Variants in BRIP1 observed in about 807,000 individuals in gnomAD.
The protein encoded by BRIP1 is Fanconi anemia group J protein.
A neutral mutation model predicts 119.7 loss-of-function variants in BRIP1; 88 were observed. That is an observed-to-expected ratio of 0.74 (90% CI 0.62 to 0.88). BRIP1 has a LOEUF of 0.88. Among genes scored for constraint, BRIP1 ranks in the 40% least tolerant of loss-of-function variants. BRIP1 has a pLI of 0.00. For synonymous variants in BRIP1, 443 were observed against 496.5 expected, an observed-to-expected ratio of 0.89 and a Z score of 1.43; for missense variants, 1,259 against 1,455.4, an observed-to-expected ratio of 0.87 and a Z score of 2.20.
In BRIP1 at chr17:61,729,413, T is replaced by C. The variant is rs993443607; in HGVS notation, c.2380-13350A>G. 1.4e-5 allele frequency among the ~76,000 whole-genome samples: 2 copies of C among 147,030 alleles called. No homozygotes were observed. The highest frequency in any genetic ancestry group is 3.0e-5 in the Non-Finnish European group (2 of 66,822). On this transcript the variant is annotated intron_variant, in intron 16 of 19. Coordinates refer to ENST00000259008, the MANE Select transcript of BRIP1 (RefSeq NM_032043.3). This position sits in a 1 kb window ranked among gnomAD's most constrained non-coding sequence, Gnocchi z 5.6. ...TTAATTAAAAATTGTAATGTAACTA[T>C]CTTGGGAGGCTATAAGAAGGAAAAA...
Position 61,798,976 on chromosome 17 carries a change from G to T in BRIP1, c.1340+124C>A. 1 of 884,978 alleles carries T rather than the reference G, an allele frequency of 1.1e-6. No homozygotes were observed. Among genetic ancestry groups the T allele is most frequent in the South Asian group, 1.4e-5 (1 of 71,230 alleles). The allele number at this position is 884,978 out of a possible 1,614,324, so 54.8% of individuals were successfully genotyped here. ...CTTGTTTTTAAAGCTTAACTGGCAA[G>T]GAACAATTCATTTCCCAAGAAGCCT... On this transcript the variant is annotated intron_variant, in intron 9 of 19. Coordinates refer to ENST00000259008, the MANE Select transcript of BRIP1 (RefSeq NM_032043.3). This position sits in a 1 kb window ranked among gnomAD's most constrained non-coding sequence, Gnocchi z 5.5.
chr17:61,765,387 A>C (rs2077343097), intron 14 of BRIP1, among the ~76,000 whole-genome samples: 1 of 19,300 alleles, frequency 5.2e-5, no homozygotes, highest in Non-Finnish European at 9.1e-5. Flanking sequence ...TATTATATAT[A>C]TATATATATA....
At position 61,808,163 on chromosome 17, in the gene BRIP1, T is replaced by C. The variant is rs2078101531; in HGVS notation, c.918+304A>G. The stretch of plus-strand genomic sequence containing the variant: ...ATTTAAACACTTCTATCTCCTCATA[T>C]GATATCATCCAAGTTTGACTATTTT... On this transcript the variant is annotated intron_variant, in intron 7 of 19. Transcript: ENST00000259008. This position sits in a 1 kb window ranked among gnomAD's most constrained non-coding sequence, Gnocchi z 4.1. Among the ~76,000 whole-genome samples the C allele has an allele frequency of 6.6e-6, 1 of 152,158 alleles. No homozygotes were observed. Among genetic ancestry groups the C allele is most frequent in the African/African-American group, 2.4e-5 (1 of 41,440 alleles).
intron 10 of BRIP1, among the ~76,000 whole-genome samples, chr17:61,785,830 A>G (rs1182374615): frequency 2.0e-5 from 3 of 152,160 alleles, no homozygotes; most frequent in Non-Finnish European, 4.4e-5. Flanking sequence ...GAGGCGCTGT[A>G]CTAAAAACAG....
intron 14 of BRIP1, among the ~76,000 whole-genome samples, chr17:61,747,743 A>T (rs1481367921): frequency 1.3e-5 from 2 of 151,580 alleles, no homozygotes; most frequent in Admixed American, 6.6e-5. Flanking sequence ...CTAATTAATT[A>T]ATTTATTTTT....
intron 14 of BRIP1, among the ~76,000 whole-genome samples, chr17:61,763,538 A>T (rs1195117757): frequency 5.9e-5 from 9 of 152,144 alleles, no homozygotes; most frequent in Admixed American, 5.9e-4. Context: ...AAGCAAGGTG[A>T]ATCTTATTTC....
chr17:61,768,112 T>C lies in BRIP1; in HGVS notation c.2097+8289A>G, dbSNP rs1454481976. Among the ~76,000 whole-genome samples the C allele has an allele frequency of 1.3e-5, 2 of 152,204 alleles. No individual in the cohort carries two copies. Among genetic ancestry groups the C allele is most frequent in the Non-Finnish European group, 2.9e-5 (2 of 68,018 alleles). On this transcript the variant is annotated intron_variant, in intron 14 of 19. Transcript: ENST00000259008. This position sits in a 1 kb window ranked among gnomAD's most constrained non-coding sequence, Gnocchi z 5.0. ...AACTGAAATCTTCTTGAAGAGACAGTAACTTGTTTATTTTTGAATCTTTAA... is the reference window on the plus strand; with the variant it reads ...AACTGAAATCTTCTTGAAGAGACAGCAACTTGTTTATTTTTGAATCTTTAA...
intron 16 of BRIP1, among the ~76,000 whole-genome samples, chr17:61,731,882 T>C (rs1301684036): frequency 6.7e-6 from 1 of 150,264 alleles, no homozygotes; most frequent in Non-Finnish European, 1.5e-5. Context: ...CCCCTGAGTC[T>C]ATTATAATAC....
At chr17:61,788,685 G>A (rs1216888799) in intron 10 of BRIP1, among the ~76,000 whole-genome samples, 1 of 152,178 alleles carries the variant, frequency 6.6e-6, no homozygotes, top group Non-Finnish European at 1.5e-5. Flanking sequence ...ACTGGGTGTA[G>A]TGGTTCACTC....
chr17:61,789,647 CAGATT>C lies in BRIP1; in HGVS notation c.1473+3945_1473+3949del, dbSNP rs1239465548. Among the ~76,000 whole-genome samples the C allele has an allele frequency of 6.6e-6, 1 of 152,066 alleles. No homozygotes were observed. The highest frequency in any genetic ancestry group is 2.4e-5 in the African/African-American group (1 of 41,418). On this transcript the variant is annotated intron_variant, in intron 10 of 19. Transcript: ENST00000259008. This position sits in a 1 kb window ranked among gnomAD's most constrained non-coding sequence, Gnocchi z 4.8. Reference sequence around the variant, plus strand: ...GGAAATAACCTATATTTCAACTTATCAGATTAATCAATTTAGAATAAGTACACTCA... The same window carrying C: ...GGAAATAACCTATATTTCAACTTATCAATCAATTTAGAATAAGTACACTCA...
chr17:61,715,828 G>C, intron 17 of BRIP1, 123 bp downstream of exon 17: 1 of 604,904 alleles, frequency 1.7e-6, no homozygotes, highest in Admixed American at 3.0e-5. Context: ...ATACATACCA[G>C]TTCCTATGGT....
chr17:61,748,914 G>T lies in BRIP1; in HGVS notation c.2098-4323C>A, dbSNP rs1349339916. Among the ~76,000 whole-genome samples, 1 of 152,204 alleles carries T rather than the reference G, an allele frequency of 6.6e-6. No individual in the cohort carries two copies. Among genetic ancestry groups the T allele is most frequent in the African/African-American group, 2.4e-5 (1 of 41,462 alleles). ...GCACTTTGGGAGGCCAAGGCGGGCA[G>T]ATCACGAGGTCAGGAGATTGAGACC... On this transcript the variant is annotated intron_variant, in intron 14 of 19. Transcript: ENST00000259008. This position sits in a 1 kb window ranked among gnomAD's most constrained non-coding sequence, Gnocchi z 4.7.
rs542553201 is a variant in BRIP1 at position 61,821,327 on chromosome 17, C to A, written c.628-12570G>T. Among the ~76,000 whole-genome samples, 5 of 150,738 alleles carry A rather than the reference C, an allele frequency of 3.3e-5. 1 individual carries two copies. In the South Asian group the frequency reaches 1.1e-3, roughly 32 times the overall value. On this transcript the variant is annotated intron_variant, in intron 6 of 19. Coordinates refer to ENST00000259008, the MANE Select transcript of BRIP1 (RefSeq NM_032043.3). ...GAGGTACTTTCCATTCTTTAACCTGCCATTCAGTAGAAAGGCAGGGTGTTG... is the reference window on the plus strand; with the variant it reads ...GAGGTACTTTCCATTCTTTAACCTGACATTCAGTAGAAAGGCAGGGTGTTG...
rs921923803 is a variant in BRIP1 at position 61,805,791 on chromosome 17, A to C, written c.918+2676T>G. 6.6e-6 allele frequency among the ~76,000 whole-genome samples: 1 copy of C among 152,148 alleles called. No homozygotes were observed. Among genetic ancestry groups the C allele is most frequent in the Non-Finnish European group, 1.5e-5 (1 of 68,034 alleles). ...AGGACATTCACCATTTCTTCATTCC[A>C]AGCTTCTTCCATACAATTCTGAAAG... On this transcript the variant is annotated intron_variant, in intron 7 of 19. Coordinates refer to ENST00000259008, the MANE Select transcript of BRIP1 (RefSeq NM_032043.3). This position sits in a 1 kb window ranked among gnomAD's most constrained non-coding sequence, Gnocchi z 5.6.
Position 61,831,296 on chromosome 17 carries a change from C to G in BRIP1, c.627+15805G>C, listed in dbSNP as rs923403280. 1.3e-5 allele frequency among the ~76,000 whole-genome samples: 2 copies of G among 152,180 alleles called. No homozygotes were observed. Among genetic ancestry groups the G allele is most frequent in the African/African-American group, 2.4e-5 (1 of 41,452 alleles). ...AAACACTGTAAAGGAAGAAGTAAAA[C>G]AGTATTTACTAGAGAATGAAACATG... On this transcript the variant is annotated intron_variant, in intron 6 of 19. Transcript: ENST00000259008. This position sits in a 1 kb window ranked among gnomAD's most constrained non-coding sequence, Gnocchi z 4.1.
chr17:61,746,145 G>C lies in BRIP1; in HGVS notation c.2098-1554C>G, dbSNP rs942509642. Among the ~76,000 whole-genome samples the C allele has an allele frequency of 6.6e-6, 1 of 151,974 alleles. No homozygotes were observed. The highest frequency in any genetic ancestry group is 6.6e-5 in the Admixed American group (1 of 15,250). On this transcript the variant is annotated intron_variant, in intron 14 of 19. Transcript: ENST00000259008. This position sits in a 1 kb window ranked among gnomAD's most constrained non-coding sequence, Gnocchi z 4.9. ...TTTTTAGAAATAAACTTCTTAATAAGACTATAAAACAAAACATTAGTAAAA... is the reference window on the plus strand; with the variant it reads ...TTTTTAGAAATAAACTTCTTAATAACACTATAAAACAAAACATTAGTAAAA...
rs919570002 is a variant in BRIP1, at chr17:61,794,112, C to CA, written c.1341-384dup. ...GAAATTAAAGTGTTACATATTAACA[C>CA]AAAAAAGAGAATTACTAGAAAATAT... On this transcript the variant is annotated intron_variant, in intron 9 of 19. Transcript: ENST00000259008. The surrounding 1 kb of genome is among the most constrained non-coding windows in gnomAD (Gnocchi z 4.3). Among the ~76,000 whole-genome samples, 2 of 151,734 alleles carry CA rather than the reference C, an allele frequency of 1.3e-5. No homozygotes were observed. The highest frequency in any genetic ancestry group is 6.6e-5 in the Admixed American group (1 of 15,216).
chr17:61,801,388 C>T lies in BRIP1; in HGVS notation c.1005G>A (p.Trp335Ter), dbSNP rs786201808. 6.2e-7 allele frequency: 1 copy of T among 1,613,890 alleles called. No individual in the cohort carries two copies. The highest frequency in any genetic ancestry group is 8.5e-7 in the Non-Finnish European group (1 of 1,179,874). ...LQTFQGMCKA[W>*]DIEELVSLGK... ...CCAGGCTGACAAGTTCTTCTATATCCCAGGCTTTGCACATCCCTTGGAAAG... is the reference window on the plus strand; with the variant it reads ...CCAGGCTGACAAGTTCTTCTATATCTCAGGCTTTGCACATCCCTTGGAAAG... Residue 335 changes from tryptophan to a stop codon, truncating the protein, a stop_gained, in exon 8 of 20, where the codon TGG becomes TGA. Coordinates refer to ENST00000259008, the MANE Select transcript of BRIP1 (RefSeq NM_032043.3). LOFTEE classifies it high-confidence loss of function.
rs957475894 is a variant in BRIP1 at position 61,717,542 on chromosome 17, C to T, written c.2380-1479G>A. On this transcript the variant is annotated intron_variant, in intron 16 of 19. Transcript: ENST00000259008. The surrounding 1 kb of genome is among the most constrained non-coding windows in gnomAD (Gnocchi z 4.1). ...GACAGGTTTTTTCTTTTGTTAAAGA[C>T]GGCTTTTCATTGTTTTCTGATTTGC... 2.0e-5 allele frequency among the ~76,000 whole-genome samples: 3 copies of T among 152,042 alleles called. No homozygotes were observed. Among genetic ancestry groups the T allele is most frequent in the East Asian group, 1.9e-4 (1 of 5,196 alleles).
Sources: allele counts gnomAD v4.1 joint callset (sites outside exome capture counted in the v4.1 genomes callset), GRCh38; gene constraint gnomAD v4.1.1; non-coding constraint Gnocchi (gnomAD v3.1); transcripts MANE v1.5; gene names NCBI Gene and HGNC (gene_info 2026-07-23, HGNC 2026-07-21).